Variants in EPB41L4B observed in about 807,000 individuals in gnomAD.
The protein encoded by EPB41L4B is band 4.1-like protein 4B.
In EPB41L4B, 30 loss-of-function variants were observed where a neutral mutation model predicts 112.5. The observed-to-expected ratio is 0.27, with a 90% CI of 0.20 to 0.36. The LOEUF is 0.36. Among genes scored for constraint, EPB41L4B ranks in the 10% least tolerant of loss-of-function variants. The pLI, the probability that EPB41L4B is intolerant of heterozygous loss-of-function variation, is 1.00. For synonymous variants in EPB41L4B, 408 were observed against 439.7 expected, an observed-to-expected ratio of 0.93 and a Z score of 0.90; for missense variants, 1,024 against 1,133.3, an observed-to-expected ratio of 0.90 and a Z score of 1.38.
chr9:109,269,378 T>A (rs1835528244), intron 2 of EPB41L4B, among the ~76,000 whole-genome samples: 1 of 152,194 alleles, frequency 6.6e-6, no homozygotes, highest in Non-Finnish European at 1.5e-5. Context: ...ATCATCTGCC[T>A]CACACAAAAG....
At chr9:109,307,397 C>G in intron 1 of EPB41L4B, 1 of 354,176 alleles carries the variant, frequency 2.8e-6, no homozygotes, top group Non-Finnish European at 5.5e-6. Context: ...TTACAATATC[C>G]CATATCCCAG....
chr9:109,305,384 C>A (rs1336212709), intron 1 of EPB41L4B, among the ~76,000 whole-genome samples: 6 of 152,046 alleles, frequency 3.9e-5, no homozygotes, highest in Non-Finnish European at 1.5e-5. Flanking sequence ...TTTGGGAGGC[C>A]AAAGCGGGTG....
At chr9:109,227,095 C>A (rs1833810163) in intron 15 of EPB41L4B, among the ~76,000 whole-genome samples, 1 of 152,000 alleles carries the variant, frequency 6.6e-6, no homozygotes, top group Non-Finnish European at 1.5e-5. Context: ...CACTTCTCAT[C>A]CTAAAGCACT....
intron 1 of EPB41L4B, among the ~76,000 whole-genome samples, chr9:109,293,785 T>C (rs1053345005): frequency 6.6e-6 from 1 of 152,010 alleles, no homozygotes; most frequent in African/African-American, 2.4e-5. Flanking sequence ...TTAACGATAT[T>C]GGACTCTCTG....
chr9:109,213,873 C>G (rs905108289), intron 16 of EPB41L4B, 55 bp from the exon 17 acceptor site: 3 of 1,535,006 alleles, frequency 2.0e-6, no homozygotes, highest in South Asian at 1.1e-5. Flanking sequence ...CAGATAGATA[C>G]AGGGGAAAAG....
chr9:109,253,375 C>G, intron 12 of EPB41L4B, 66 bp downstream of exon 12: 2 of 1,130,974 alleles, frequency 1.8e-6, no homozygotes. Flanking sequence ...CTTGACCAAG[C>G]TCCTCGAGGG....
intron 1 of EPB41L4B, 97 bp from the exon 2 acceptor site, chr9:109,280,018 A>G (rs10979794): frequency 0.26 from 200,540 of 775,710 alleles, 29,037 homozygotes; most frequent in Admixed American, 0.3. Flanking sequence ...TAAATTGCAT[A>G]CATGTCAGCA....
At chr9:109,267,682 G>A (rs753612494) in intron 3 of EPB41L4B, 131 bp from the exon 4 acceptor site, 98 of 607,782 alleles carry the variant, frequency 1.6e-4, no homozygotes, top group Non-Finnish European at 2.6e-4. Flanking sequence ...CTGGGCACGC[G>A]ACACTAGCCA....
intron 1 of EPB41L4B, among the ~76,000 whole-genome samples, chr9:109,288,240 G>A (rs1002328032): frequency 2.6e-5 from 4 of 152,208 alleles, no homozygotes; most frequent in Admixed American, 2.6e-4. Flanking sequence ...ACCAGTCACT[G>A]AATCTACTGG....
intron 2 of EPB41L4B, among the ~76,000 whole-genome samples, chr9:109,273,122 A>G (rs1044932014): frequency 6.6e-6 from 1 of 152,220 alleles, no homozygotes; most frequent in African/African-American, 2.4e-5. Context: ...GGAATCATCT[A>G]AATCAGTGGT....
intron 5 of EPB41L4B, among the ~76,000 whole-genome samples, chr9:109,264,733 G>A (rs541964477): frequency 1.3e-5 from 2 of 152,324 alleles, no homozygotes; most frequent in South Asian, 4.1e-4. Context: ...ATCAGGGAGA[G>A]AGTTATTCCC....
chr9:109,182,076 G>A (rs1274930576), intron 24 of EPB41L4B, among the ~76,000 whole-genome samples: 1 of 152,166 alleles, frequency 6.6e-6, no homozygotes, highest in African/African-American at 2.4e-5. Flanking sequence ...AGGCGTGGTG[G>A]CAAGCAGCTG....
chr9:109,186,972 A>G (rs1047597942), intron 22 of EPB41L4B, among the ~76,000 whole-genome samples: 5 of 152,190 alleles, frequency 3.3e-5, no homozygotes, highest in African/African-American at 1.2e-4. Context: ...TGGGATACGC[A>G]GGGTTCTCCA....
At chr9:109,308,915 T>C (rs1245824068) in intron 1 of EPB41L4B, among the ~76,000 whole-genome samples, 1 of 151,940 alleles carries the variant, frequency 6.6e-6, no homozygotes, top group Non-Finnish European at 1.5e-5. Context: ...CTGTCTCTAC[T>C]AAAAATACAA....
chr9:109,231,652 T>C (rs1833955972), intron 15 of EPB41L4B, among the ~76,000 whole-genome samples: 1 of 152,206 alleles, frequency 6.6e-6, no homozygotes, highest in Admixed American at 6.5e-5. Flanking sequence ...TAGGACAGGA[T>C]ATGTGCTTCC....
chr9:109,309,685 A>G (rs1837341050), intron 1 of EPB41L4B, among the ~76,000 whole-genome samples: 1 of 152,096 alleles, frequency 6.6e-6, no homozygotes. Flanking sequence ...GAATTGCTTG[A>G]GGCCAGGAGT....
At chr9:109,319,770 C>T (rs1837779079) in intron 1 of EPB41L4B, among the ~76,000 whole-genome samples, 1 of 152,106 alleles carries the variant, frequency 6.6e-6, no homozygotes, top group Non-Finnish European at 1.5e-5. Flanking sequence ...ATCAGGAAGA[C>T]CCCTGCTGGA....
chr9:109,252,829 G>C (rs1193411117), intron 12 of EPB41L4B, among the ~76,000 whole-genome samples: 1 of 152,162 alleles, frequency 6.6e-6, no homozygotes, highest in Non-Finnish European at 1.5e-5. Context: ...ACAGAAATGA[G>C]CCTGGCTTGC....
chr9:109,212,503 G>A (rs1473742963), intron 17 of EPB41L4B, among the ~76,000 whole-genome samples: 2 of 152,150 alleles, frequency 1.3e-5, no homozygotes, highest in East Asian at 3.9e-4. Context: ...CTTTTTGAAG[G>A]TTAAACCTGC....
Sources: gnomAD v4.1 joint callset for allele counts (sites outside exome capture counted in the v4.1 genomes callset) on GRCh38, gnomAD v4.1.1 for gene constraint, MANE v1.5 for transcripts, NCBI Gene and HGNC (gene_info 2026-07-23, HGNC 2026-07-21) for gene names.